Variants in CCDC102B observed in about 807,000 individuals in gnomAD.
CCDC102B encodes the protein coiled-coil domain-containing protein 102B.
In CCDC102B, 75 loss-of-function variants were observed where a neutral mutation model predicts 57.4. The observed-to-expected ratio is 1.31, with a 90% CI of 1.08 to 1.58. CCDC102B has a LOEUF of 1.58. CCDC102B is among the 40% of genes most tolerant of loss of function. The pLI, the probability that CCDC102B is intolerant of heterozygous loss-of-function variation, is 0.00. For missense variants in CCDC102B, 636 were observed against 582.6 expected, an observed-to-expected ratio of 1.09 and a Z score of -0.94; for synonymous variants, 206 against 201.9, an observed-to-expected ratio of 1.02 and a Z score of -0.17.
At chr18:68,981,087 T>A (rs1420305078) in intron 6 of CCDC102B, among the ~76,000 whole-genome samples, 1 of 152,082 alleles carries the variant, frequency 6.6e-6, no homozygotes, top group Non-Finnish European at 1.5e-5. Context: ...TATTTTCATG[T>A]TTTTACTTTT....
At chr18:68,759,889 T>TG (rs949852106) in intron 2 of CCDC102B, among the ~76,000 whole-genome samples, 5 of 152,026 alleles carry the variant, frequency 3.3e-5, no homozygotes, top group African/African-American at 1.2e-4. Flanking sequence ...CACCCCTCTT[T>TG]GGGGGTTACA....
At chr18:69,011,163 T>G (rs566302706) in intron 7 of CCDC102B, 59 bp downstream of exon 7, 73 of 1,427,246 alleles carry the variant, frequency 5.1e-5, no homozygotes, top group Admixed American at 4.6e-4. Context: ...TTAGAGCATA[T>G]CTAAAGATTG....
intron 6 of CCDC102B, among the ~76,000 whole-genome samples, chr18:68,945,255 ACTTT>A (rs2049505298): frequency 6.6e-6 from 1 of 152,088 alleles, no homozygotes; most frequent in Admixed American, 6.6e-5. Context: ...TGATAAAATT[ACTTT>A]CTTAATGAAA....
chr18:68,812,251 A>C (rs1411651418), intron 1 of CCDC102B, among the ~76,000 whole-genome samples: 1 of 151,894 alleles, frequency 6.6e-6, no homozygotes, highest in Non-Finnish European at 1.5e-5. Flanking sequence ...AAATATATTC[A>C]AAATTCACAT....
At chr18:69,010,465 G>T (rs988390099) in intron 6 of CCDC102B, among the ~76,000 whole-genome samples, 17 of 147,154 alleles carry the variant, frequency 1.2e-4, no homozygotes, top group Non-Finnish European at 2.5e-4. Flanking sequence ...TTCTGAGCCT[G>T]GTTCATGTGG....
At chr18:68,989,705 A>G (rs991626394) in intron 6 of CCDC102B, among the ~76,000 whole-genome samples, 1 of 152,024 alleles carries the variant, frequency 6.6e-6, no homozygotes, top group African/African-American at 2.4e-5. Context: ...AGAGTGCCGC[A>G]CTCATACTTT....
intron 7 of CCDC102B, among the ~76,000 whole-genome samples, chr18:69,012,239 G>T (rs752829867): frequency 6.6e-6 from 1 of 152,162 alleles, no homozygotes; most frequent in Non-Finnish European, 1.5e-5. Flanking sequence ...TCATTATTTT[G>T]TGAATAATTT....
intron 2 of CCDC102B, among the ~76,000 whole-genome samples, chr18:68,765,922 T>C (rs17079677): frequency 0.067 from 10,181 of 152,174 alleles, 646 homozygotes; most frequent in African/African-American, 0.16. Flanking sequence ...TCAAATGTAA[T>C]CATTATCTGG....
intron 4 of CCDC102B, among the ~76,000 whole-genome samples, chr18:68,873,281 A>G (rs2039306933): frequency 6.6e-6 from 1 of 152,078 alleles, no homozygotes; most frequent in African/African-American, 2.4e-5. Context: ...AGCTCTGAAC[A>G]TGGAGTCTTT....
chr18:68,720,571 A>G (rs1295153451), intron 2 of CCDC102B, among the ~76,000 whole-genome samples: 1 of 152,222 alleles, frequency 6.6e-6, no homozygotes, highest in Non-Finnish European at 1.5e-5. Context: ...TATAGAAAGA[A>G]GAAGCTAGAC....
Position 68,919,890 on chromosome 18 carries a change from A to T in CCDC102B, c.1263+22462A>T, listed in dbSNP as rs1445963647. Among the ~76,000 whole-genome samples, 5 of 152,194 alleles carry T rather than the reference A, an allele frequency of 3.3e-5. No individual in the cohort carries two copies. In the East Asian group the frequency reaches 7.7e-4, roughly 23 times the overall value. On this transcript the variant is annotated intron_variant, in intron 6 of 7. Transcript: ENST00000360242. ...ATAACCCAGTCATAATTACTAAGAT[A>T]TATGAATACTTCAAAATTTTAGTTC...
chr18:68,946,033 T>C (rs1426878611), intron 6 of CCDC102B, among the ~76,000 whole-genome samples: 1 of 152,044 alleles, frequency 6.6e-6, no homozygotes, highest in African/African-American at 2.4e-5. Flanking sequence ...TGTTTCTAAG[T>C]ATCTTTTGCT....
chr18:68,804,875 T>TG (rs2035978289), intron 1 of CCDC102B, among the ~76,000 whole-genome samples: 1 of 151,900 alleles, frequency 6.6e-6, no homozygotes, highest in Non-Finnish European at 1.5e-5. Flanking sequence ...TTTTTTTTTT[T>TG]TTTTATGTTG....
chr18:69,024,574 A>G (rs532955837), intron 7 of CCDC102B, among the ~76,000 whole-genome samples: 6 of 152,208 alleles, frequency 3.9e-5, no homozygotes, highest in Admixed American at 3.3e-4. Context: ...TCTAAAGGTA[A>G]GATTATATGT....
intron 2 of CCDC102B, among the ~76,000 whole-genome samples, chr18:68,729,552 A>G (rs2032764317): frequency 6.6e-6 from 1 of 152,236 alleles, no homozygotes; most frequent in South Asian, 2.1e-4. Context: ...ATCACGTTGG[A>G]GAAAACTGGA....
intron 6 of CCDC102B, among the ~76,000 whole-genome samples, chr18:68,902,935 C>A (rs8090892): frequency 2.0e-5 from 3 of 152,102 alleles, no homozygotes; most frequent in African/African-American, 7.2e-5. Context: ...TCCCCACAAC[C>A]CGGCACATTT....
chr18:69,018,338 T>G (rs1465967144), intron 7 of CCDC102B, among the ~76,000 whole-genome samples: 1 of 152,224 alleles, frequency 6.6e-6, no homozygotes, highest in African/African-American at 2.4e-5. Flanking sequence ...TTAAATTTTT[T>G]GGGGAACCCT....
At chr18:68,861,053 A>G in intron 4 of CCDC102B, among the ~76,000 whole-genome samples, 1 of 150,564 alleles carries the variant, frequency 6.6e-6, no homozygotes, top group Non-Finnish European at 1.5e-5. Context: ...ACTCTAGGCA[A>G]ACAGTGCATG....
chr18:68,919,954 A>G lies in CCDC102B; in HGVS notation c.1263+22526A>G, dbSNP rs2041216480. ...CCTGCAATGATGCCGTACCCCAAGG[A>G]AAAGTATTCTTATTATTTTTATTAC... On this transcript the variant is annotated intron_variant, in intron 6 of 7. Transcript: ENST00000360242. 2.6e-5 allele frequency among the ~76,000 whole-genome samples: 4 copies of G among 152,104 alleles called. No individual in the cohort carries two copies. The South Asian group carries it at 8.3e-4, about 32-fold the overall frequency.
Sources: gnomAD v4.1 joint callset for allele counts (sites outside exome capture counted in the v4.1 genomes callset) on GRCh38, gnomAD v4.1.1 for gene constraint, MANE v1.5 for transcripts, NCBI Gene and HGNC (gene_info 2026-07-23, HGNC 2026-07-21) for gene names.